Variants in LGSN observed in about 807,000 individuals in gnomAD.
The protein encoded by LGSN is lengsin, lens protein with glutamine synthetase domain, also known as lengsin.
A neutral mutation model predicts 19.5 loss-of-function variants in LGSN; 21 were observed. That is an observed-to-expected ratio of 1.07 (90% CI 0.76 to 1.55). The LOEUF is 1.55. LGSN is among the 40% of genes most tolerant of loss of function. LGSN has a pLI of 0.00. For missense variants in LGSN, 673 were observed against 608.5 expected (o/e 1.11, Z -1.12); for synonymous variants, 257 against 215.6 (o/e 1.19, Z -1.68).
At chr6:63,410,288 G>A in the LGSN span, among the ~76,000 whole-genome samples, 2 of 152,044 alleles carry the variant, frequency 1.3e-5, no homozygotes, top group Non-Finnish European at 2.9e-5. Context: ...TCTAAACTCA[G>A]TAAAGTGTAC....
intron 1 of LGSN, among the ~76,000 whole-genome samples, chr6:63,317,414 G>C (rs867394916): frequency 5.3e-5 from 8 of 152,166 alleles, no homozygotes; most frequent in African/African-American, 1.9e-4. Flanking sequence ...CAGGAAGTGC[G>C]AGCTTAATCC....
intron 1 of LGSN, among the ~76,000 whole-genome samples, chr6:63,308,557 A>G (rs1261987188): frequency 6.6e-6 from 1 of 152,034 alleles, no homozygotes; most frequent in East Asian, 1.9e-4. Context: ...CTAAATATCA[A>G]TGATTTTATT....
chr6:63,394,347 G>C, the LGSN span, among the ~76,000 whole-genome samples: 1 of 152,164 alleles, frequency 6.6e-6, no homozygotes, highest in African/African-American at 2.4e-5. Context: ...GGAGATGAAA[G>C]TGACCTCTGG....
At chr6:63,366,717 G>C in the LGSN span, among the ~76,000 whole-genome samples, 1 of 152,266 alleles carries the variant, frequency 6.6e-6, no homozygotes, top group African/African-American at 2.4e-5. Context: ...AACCAAAACA[G>C]CATGGTACTG....
chr6:63,540,032 C>T, the LGSN span, among the ~76,000 whole-genome samples: 782 of 152,258 alleles, frequency 5.1e-3, 5 homozygotes, highest in African/African-American at 0.018. Context: ...ATCCAGAAGA[C>T]AATCTAGAGT....
chr6:63,367,812 A>G, the LGSN span, among the ~76,000 whole-genome samples: 1 of 151,868 alleles, frequency 6.6e-6, no homozygotes, highest in Middle Eastern at 3.4e-3. Context: ...GAAGCTGGAA[A>G]CCATCATTCT....
the LGSN span, among the ~76,000 whole-genome samples, chr6:63,442,924 G>A: frequency 3.9e-5 from 6 of 152,246 alleles, no homozygotes; most frequent in Admixed American, 6.5e-5. Flanking sequence ...CCAGGACCAC[G>A]GGTGGAGCTG....
chr6:63,503,584 T>G, the LGSN span, among the ~76,000 whole-genome samples: 1 of 152,200 alleles, frequency 6.6e-6, no homozygotes, highest in African/African-American at 2.4e-5. Flanking sequence ...TAAGAAAGTA[T>G]AGGTCTGCTG....
the LGSN span, among the ~76,000 whole-genome samples, chr6:63,514,948 C>T: frequency 1.5e-4 from 23 of 152,018 alleles, no homozygotes; most frequent in African/African-American, 5.1e-4. Flanking sequence ...AAGGGTACCT[C>T]CTACCTTGAC....
In LGSN at chr6:63,280,802, G is replaced by T. The variant is rs1427435720; in HGVS notation, c.749C>A (p.Thr250Asn). 1 of 1,614,022 alleles carries T rather than the reference G, an allele frequency of 6.2e-7. No individual in the cohort carries two copies. Residue 250 changes from threonine (T) to asparagine (N), a missense_variant, in exon 4 of 4, where the codon ACT (threonine) becomes AAT (asparagine). Transcript: ENST00000370657. ...MQELVDGLYHTGANVESFSSS... is the reference protein window; with the variant it reads ...MQELVDGLYHNGANVESFSSS... ...GGAAAAACTCTCGACATTGGCTCCA[G>T]TGTGATACAAGCCATCAACAAGTTC...
At chr6:63,551,630 G>A in the LGSN span, among the ~76,000 whole-genome samples, 1 of 151,994 alleles carries the variant, frequency 6.6e-6, no homozygotes, top group Non-Finnish European at 1.5e-5. Context: ...TTGGTGTGCT[G>A]CACCCATTAA....
At chr6:63,432,308 A>G in the LGSN span, among the ~76,000 whole-genome samples, 2 of 152,162 alleles carry the variant, frequency 1.3e-5, no homozygotes, top group African/African-American at 4.8e-5. Context: ...GTTACCTGCA[A>G]TTTCCAATTT....
At chr6:63,303,405 C>T (rs1363392924) in intron 1 of LGSN, among the ~76,000 whole-genome samples, 1 of 152,166 alleles carries the variant, frequency 6.6e-6, no homozygotes, top group Non-Finnish European at 1.5e-5. Context: ...AATAAAGGTA[C>T]TTGTTTCACT....
At chr6:63,469,230 A>C in the LGSN span, among the ~76,000 whole-genome samples, 1 of 152,164 alleles carries the variant, frequency 6.6e-6, no homozygotes, top group African/African-American at 2.4e-5. Flanking sequence ...CAGGAGCCAG[A>C]AACTTGGTAT....
the LGSN span, among the ~76,000 whole-genome samples, chr6:63,496,322 T>TG: frequency 6.6e-6 from 1 of 152,222 alleles, no homozygotes; most frequent in Non-Finnish European, 1.5e-5. Context: ...ACCTTACTGA[T>TG]GGCAGACTAT....
At chr6:63,518,418 T>C in the LGSN span, among the ~76,000 whole-genome samples, 2 of 152,164 alleles carry the variant, frequency 1.3e-5, no homozygotes, top group African/African-American at 2.4e-5. Flanking sequence ...TAAAAAATTA[T>C]CATTTTGGAC....
the LGSN span, among the ~76,000 whole-genome samples, chr6:63,365,989 A>T: frequency 2.6e-5 from 4 of 152,144 alleles, no homozygotes; most frequent in Non-Finnish European, 5.9e-5. Context: ...ATCATACTGA[A>T]TGGACAAAAA....
At chr6:63,391,955 A>AT in the LGSN span, among the ~76,000 whole-genome samples, 1 of 152,232 alleles carries the variant, frequency 6.6e-6, no homozygotes, top group African/African-American at 2.4e-5. Flanking sequence ...TTAAGGAATC[A>AT]ATGATATGAA....
chr6:63,469,756 C>T, the LGSN span, among the ~76,000 whole-genome samples: 1 of 152,148 alleles, frequency 6.6e-6, no homozygotes, highest in Non-Finnish European at 1.5e-5. Flanking sequence ...AACGGAGTTT[C>T]AATCTTATTG....
Sources: allele counts gnomAD v4.1 joint callset (sites outside exome capture counted in the v4.1 genomes callset), GRCh38; gene constraint gnomAD v4.1.1; transcripts MANE v1.5; gene names NCBI Gene and HGNC (gene_info 2026-07-23, HGNC 2026-07-21).